AKAP13: variants seen among roughly 807,000 people sequenced by gnomAD.
AKAP13 encodes the protein A-kinase anchoring protein 13, also known as A-kinase anchor protein 13.
A neutral mutation model predicts 264.5 loss-of-function variants in AKAP13; 80 were observed. The ratio of observed to expected loss-of-function variants is 0.30; its 90% CI spans 0.25 to 0.36. The LOEUF is 0.36. Ranked by LOEUF, AKAP13 falls within the 10% of genes least tolerant of loss-of-function variation. The pLI is 1.00. For synonymous variants in AKAP13, 1,380 were observed against 1,250.2 expected (o/e 1.10, Z -2.19); for missense variants, 3,712 against 3,435.2 (o/e 1.08, Z -2.01).
At position 85,597,287 on chromosome 15, in the gene AKAP13, G is replaced by A. The variant is rs900964469; in HGVS notation, c.4161+11464G>A. Reference sequence around the variant, plus strand: ...CCCAAAGAGCTAGCATGCTCAAAGGGCCTGCCATCATTTGTGATGCCCAGG... The same window carrying A: ...CCCAAAGAGCTAGCATGCTCAAAGGACCTGCCATCATTTGTGATGCCCAGG... On this transcript the variant is annotated intron_variant, in intron 8 of 36. Transcript: ENST00000394518. Among the ~76,000 whole-genome samples, 17 of 152,260 alleles carry A rather than the reference G, an allele frequency of 1.1e-4. No individual in the cohort carries two copies. In the South Asian group the frequency reaches 2.1e-3, roughly 19 times the overall value.
At position 85,655,430 on chromosome 15, in the gene AKAP13, A is replaced by G. The variant is rs772779921; in HGVS notation, c.4388A>G (p.His1463Arg). The stretch of plus-strand genomic sequence containing the variant: ...TCTCCATTACAGCCAGAGGAAGAGC[A>G]TTTGGCCTGTGATATCACCGGATCC... ...SIIFPKPEEE[H>R]LACDITGSSS... The change falls in exon 11 of 37, where the codon CAT becomes CGT. Residue 1463 changes from histidine (H) to arginine (R), a missense_variant. Coordinates refer to ENST00000394518, the MANE Select transcript of AKAP13 (RefSeq NM_007200.5). 2 of 1,613,794 alleles carry G rather than the reference A, an allele frequency of 1.2e-6. No homozygotes were observed. The highest frequency in any genetic ancestry group is 1.7e-6 in the Non-Finnish European group (2 of 1,179,746).
intron 30 of AKAP13, among the ~76,000 whole-genome samples, chr15:85,734,661 C>T (rs1043888960): frequency 6.6e-6 from 1 of 152,206 alleles, no homozygotes; most frequent in Non-Finnish European, 1.5e-5. Flanking sequence ...TCAAATCAAT[C>T]CATCTTACTT....
At chr15:85,622,181 AG>A (rs1352187682) in intron 8 of AKAP13, among the ~76,000 whole-genome samples, 1 of 152,236 alleles carries the variant, frequency 6.6e-6, no homozygotes, top group Non-Finnish European at 1.5e-5. Context: ...GAAATAAATA[AG>A]TACAAACTGT....
At chr15:85,565,705 A>C (rs1218985187) in intron 5 of AKAP13, among the ~76,000 whole-genome samples, 3 of 152,230 alleles carry the variant, frequency 2.0e-5, no homozygotes, top group African/African-American at 7.2e-5. Context: ...TAGAGCATTC[A>C]GATACACCTA....
chr15:85,730,354 A>G (rs552298823), intron 29 of AKAP13, 159 bp from the exon 30 acceptor site: 32 of 210,872 alleles, frequency 1.5e-4, no homozygotes, highest in African/African-American at 6.6e-4. Flanking sequence ...AACAGAAACA[A>G]TATTGCTGTC....
intron 10 of AKAP13, among the ~76,000 whole-genome samples, chr15:85,653,521 A>G (rs1483227849): frequency 6.6e-6 from 1 of 152,202 alleles, no homozygotes; most frequent in African/African-American, 2.4e-5. Context: ...ATCAAGCCCA[A>G]AAGGTAGGAA....
At chr15:85,544,159 C>T (rs1333133986) in intron 5 of AKAP13, 1 of 703,408 alleles carries the variant, frequency 1.4e-6, no homozygotes, top group East Asian at 2.8e-5. Context: ...TCGTGTTAAC[C>T]ATTTTCTCTC....
At chr15:85,434,864 A>T (rs1334548616) in intron 1 of AKAP13, among the ~76,000 whole-genome samples, 1 of 148,614 alleles carries the variant, frequency 6.7e-6, no homozygotes, top group African/African-American at 2.5e-5. Context: ...AACCACAAAG[A>T]TGGGGAAAAA....
intron 1 of AKAP13, among the ~76,000 whole-genome samples, chr15:85,481,917 G>A (rs2075364608): frequency 6.6e-6 from 1 of 152,152 alleles, no homozygotes; most frequent in Non-Finnish European, 1.5e-5. Flanking sequence ...ATCATTGGAT[G>A]GGCATGATGT....
At chr15:85,439,789 G>A (rs1186052057) in intron 1 of AKAP13, among the ~76,000 whole-genome samples, 1 of 132,742 alleles carries the variant, frequency 7.5e-6, no homozygotes, top group Non-Finnish European at 1.6e-5. Context: ...ATGGACCCAG[G>A]AAGGGGAATA....
intron 1 of AKAP13, among the ~76,000 whole-genome samples, chr15:85,455,499 C>T (rs758830078): frequency 6.6e-6 from 1 of 152,082 alleles, no homozygotes; most frequent in Non-Finnish European, 1.5e-5. Flanking sequence ...TAGTCACACT[C>T]TTTATACTTA....
chr15:85,399,531 TAAA>T (rs1209122994), intron 1 of AKAP13, among the ~76,000 whole-genome samples: 1 of 105,000 alleles, frequency 9.5e-6, no homozygotes, highest in African/African-American at 3.7e-5. Context: ...AATAAAAAAA[TAAA>T]AAAATAAATA....
At chr15:85,471,604 G>T (rs887533058) in intron 1 of AKAP13, among the ~76,000 whole-genome samples, 1 of 152,194 alleles carries the variant, frequency 6.6e-6, no homozygotes, top group Non-Finnish European at 1.5e-5. Flanking sequence ...TGATAACTGC[G>T]TACGTAACCA....
chr15:85,676,964 C>T (rs2084262347), intron 14 of AKAP13: 5 of 985,478 alleles, frequency 5.1e-6, no homozygotes, highest in Non-Finnish European at 6.0e-6. Context: ...CTTCTGTGAA[C>T]CTCCTTCTCA....
intron 1 of AKAP13, among the ~76,000 whole-genome samples, chr15:85,415,875 A>G (rs769806756): frequency 6.6e-5 from 10 of 152,218 alleles, no homozygotes; most frequent in Non-Finnish European, 1.3e-4. Context: ...ATTGATGATT[A>G]TCTTTTAAAA....
chr15:85,526,721 C>G (rs1242938827), intron 3 of AKAP13, among the ~76,000 whole-genome samples: 1 of 152,202 alleles, frequency 6.6e-6, no homozygotes, highest in African/African-American at 2.4e-5. Flanking sequence ...CAGCCTGGCC[C>G]TGCCCCTGGC....
At chr15:85,466,010 A>C (rs1428765374) in intron 1 of AKAP13, among the ~76,000 whole-genome samples, 4 of 151,920 alleles carry the variant, frequency 2.6e-5, no homozygotes, top group Non-Finnish European at 4.4e-5. Context: ...CCTCTCCAGC[A>C]CCTGTTGTTT....
At chr15:85,539,201 G>A (rs934673858) in intron 4 of AKAP13, among the ~76,000 whole-genome samples, 4 of 152,082 alleles carry the variant, frequency 2.6e-5, no homozygotes, top group African/African-American at 9.7e-5. Context: ...AACTGCTAGT[G>A]GTTTTTTTTT....
chr15:85,418,236 T>G (rs925872162), intron 1 of AKAP13, among the ~76,000 whole-genome samples: 1 of 151,958 alleles, frequency 6.6e-6, no homozygotes, highest in Non-Finnish European at 1.5e-5. Flanking sequence ...CCACCATGCC[T>G]GTCTAATTAT....
Sources: allele counts gnomAD v4.1 joint callset (sites outside exome capture counted in the v4.1 genomes callset), GRCh38; gene constraint gnomAD v4.1.1; transcripts MANE v1.5; gene names NCBI Gene and HGNC (gene_info 2026-07-23, HGNC 2026-07-21).